The following UNC5C variants were observed in gnomAD, a reference collection of about 807,000 sequenced individuals.
UNC5C encodes unc-5 netrin receptor C.
A neutral mutation model predicts 99.8 loss-of-function variants in UNC5C; 47 were observed. The ratio of observed to expected loss-of-function variants is 0.47; its 90% CI spans 0.37 to 0.60. UNC5C has a LOEUF of 0.60. UNC5C is among the 20% of genes least tolerant of loss of function. UNC5C has a pLI of 0.00. For synonymous variants in UNC5C, 487 were observed against 452.2 expected (o/e 1.08, Z -0.98); for missense variants, 1,062 against 1,165.9 (o/e 0.91, Z 1.30).
intron 2 of UNC5C, among the ~76,000 whole-genome samples, chr4:95,306,017 T>C (rs1742049146): frequency 6.6e-6 from 1 of 152,122 alleles, no homozygotes; most frequent in Non-Finnish European, 1.5e-5. Context: ...AATACATGCT[T>C]AATCCAATTA....
At chr4:95,463,299 C>T (rs1029863001) in intron 1 of UNC5C, among the ~76,000 whole-genome samples, 3 of 152,128 alleles carry the variant, frequency 2.0e-5, no homozygotes, top group Non-Finnish European at 4.4e-5. Context: ...GAAGGCTCTG[C>T]CGCTAAGAGG....
chr4:95,375,578 C>T (rs1744870094), intron 1 of UNC5C, among the ~76,000 whole-genome samples: 1 of 152,112 alleles, frequency 6.6e-6, no homozygotes, highest in Non-Finnish European at 1.5e-5. Flanking sequence ...TTTTTGATGA[C>T]ATTTAACACT....
chr4:95,528,131 T>A (rs942974505), intron 1 of UNC5C, among the ~76,000 whole-genome samples: 2 of 152,212 alleles, frequency 1.3e-5, no homozygotes, highest in African/African-American at 4.8e-5. Flanking sequence ...ACAATCTGTT[T>A]ATGTTTTGAA....
chr4:95,378,842 T>A (rs1193774427), intron 1 of UNC5C, among the ~76,000 whole-genome samples: 1 of 152,208 alleles, frequency 6.6e-6, no homozygotes, highest in Non-Finnish European at 1.5e-5. Flanking sequence ...TAGAAGTAGT[T>A]GATTTACTAC....
intron 1 of UNC5C, among the ~76,000 whole-genome samples, chr4:95,479,813 C>T (rs985898894): frequency 6.6e-6 from 1 of 151,876 alleles, no homozygotes; most frequent in Non-Finnish European, 1.5e-5. Flanking sequence ...AATGTTATTA[C>T]TGACATATCT....
rs750374982 is a variant in UNC5C, at chr4:95,250,484, C to T, written c.775+3G>A. 1.7e-5 allele frequency: 28 copies of T among 1,613,068 alleles called. No homozygotes were observed. Among genetic ancestry groups the T allele is most frequent in the Non-Finnish European group, 2.3e-5 (27 of 1,179,536 alleles). ...TAGATTGAGACCCTGAAGGGCCACT[C>T]ACCATAGACTATGACAGTGGCAGTT... On this transcript the variant is annotated splice_donor_region_variant and intron_variant, in intron 5 of 15. Transcript: ENST00000453304.
rs1738240369 is a variant in UNC5C, at chr4:95,216,149, T to A, written c.1708A>T (p.Thr570Ser). The A allele has an allele frequency of 6.2e-7, 1 of 1,613,712 alleles. No individual in the cohort carries two copies. Among genetic ancestry groups the A allele is most frequent in the South Asian group, 1.1e-5 (1 of 91,072 alleles). The change falls in exon 10 of 16, where the codon ACT (threonine) becomes TCT (serine). Residue 570 changes from threonine (T) to serine (S), a missense_variant. Transcript: ENST00000453304. ...CTCATAGTTTCTTTCCTGTGTACAG[T>A]CACATACATTTCGTAGACTCTCCCT... ...PQGRVYEMYV[T>S]VHRKETMRPP...
intron 2 of UNC5C, among the ~76,000 whole-genome samples, chr4:95,334,566 GAT>G (rs1250326239): frequency 1.3e-5 from 2 of 151,900 alleles, no homozygotes; most frequent in Non-Finnish European, 2.9e-5. Context: ...ACCATGGAAA[GAT>G]ATATATGTTT....
chr4:95,539,207 A>G (rs1477386064), intron 1 of UNC5C, among the ~76,000 whole-genome samples: 2 of 152,228 alleles, frequency 1.3e-5, no homozygotes, highest in South Asian at 2.1e-4. Flanking sequence ...CACTGCATGC[A>G]TAAAAGTCGA....
At chr4:95,399,318 A>G (rs1745618417) in intron 1 of UNC5C, among the ~76,000 whole-genome samples, 1 of 152,228 alleles carries the variant, frequency 6.6e-6, no homozygotes, top group Non-Finnish European at 1.5e-5. Context: ...TACCTGGGAA[A>G]TACTGTCAAC....
At chr4:95,310,777 G>T (rs1355152469) in intron 2 of UNC5C, among the ~76,000 whole-genome samples, 3 of 152,024 alleles carry the variant, frequency 2.0e-5, no homozygotes, top group Non-Finnish European at 1.5e-5. Flanking sequence ...GAACTGAGAA[G>T]AATATTCACT....
intron 12 of UNC5C, among the ~76,000 whole-genome samples, chr4:95,200,359 C>T (rs1448256281): frequency 6.6e-6 from 1 of 152,188 alleles, no homozygotes; most frequent in South Asian, 2.1e-4. Flanking sequence ...AAAGCCAGGG[C>T]TTTCCCTGGT....
intron 1 of UNC5C, among the ~76,000 whole-genome samples, chr4:95,422,954 C>T (rs368683394): frequency 6.6e-6 from 1 of 152,158 alleles, no homozygotes; most frequent in Non-Finnish European, 1.5e-5. Context: ...ATATTAATAG[C>T]AGTCTACAAT....
chr4:95,337,186 T>C (rs909633259), intron 1 of UNC5C, among the ~76,000 whole-genome samples: 1 of 151,932 alleles, frequency 6.6e-6, no homozygotes, highest in Non-Finnish European at 1.5e-5. Context: ...AGTTAGCTGT[T>C]GGTTTTAATT....
chr4:95,175,809 A>G (rs1397890161), intron 14 of UNC5C, among the ~76,000 whole-genome samples: 1 of 152,082 alleles, frequency 6.6e-6, no homozygotes, highest in African/African-American at 2.4e-5. Context: ...AGACTGGGGA[A>G]GTTCTCCTGG....
chr4:95,484,898 T>G (rs1253344584), intron 1 of UNC5C, among the ~76,000 whole-genome samples: 1 of 151,874 alleles, frequency 6.6e-6, no homozygotes, highest in Non-Finnish European at 1.5e-5. Flanking sequence ...GACCTATTCA[T>G]GTTATTTTTA....
chr4:95,340,527 A>G (rs1743527573), intron 1 of UNC5C, among the ~76,000 whole-genome samples: 1 of 151,876 alleles, frequency 6.6e-6, no homozygotes, highest in African/African-American at 2.4e-5. Flanking sequence ...TATCCTCAGG[A>G]AGACAAAGAC....
intron 1 of UNC5C, among the ~76,000 whole-genome samples, chr4:95,485,773 A>G (rs1465234602): frequency 1.3e-5 from 2 of 151,710 alleles, no homozygotes; most frequent in South Asian, 2.1e-4. Flanking sequence ...AGATCCAGCT[A>G]TAGTTTTAAA....
At chr4:95,520,263 A>C (rs2149489965) in intron 1 of UNC5C, among the ~76,000 whole-genome samples, 1 of 152,330 alleles carries the variant, frequency 6.6e-6, no homozygotes, top group South Asian at 2.1e-4. Context: ...CTTTCAAGAT[A>C]ATACAATTAA....
Sources: allele counts gnomAD v4.1 joint callset (sites outside exome capture counted in the v4.1 genomes callset), GRCh38; gene constraint gnomAD v4.1.1; transcripts MANE v1.5; gene names NCBI Gene and HGNC (gene_info 2026-07-23, HGNC 2026-07-21).